Variants in POLN observed in about 807,000 individuals in gnomAD.
POLN encodes DNA polymerase nu.
A neutral mutation model predicts 113.5 loss-of-function variants in POLN; 108 were observed. The observed-to-expected ratio is 0.95, with a 90% CI of 0.81 to 1.12. The LOEUF (loss-of-function observed/expected upper bound fraction) is 1.12, where lower values mean the gene tolerates loss of function less well. Ranked by LOEUF, POLN falls within the 50% of genes most tolerant of loss-of-function variation. The probability of loss-of-function intolerance (pLI) is 0.00; values close to 1 mark genes in which losing one functional copy is unlikely to be tolerated. For synonymous variants in POLN, 386 were observed against 391.5 expected (o/e 0.99, Z 0.17); for missense variants, 1,097 against 1,077.1 (o/e 1.02, Z -0.26).
chr4:2,105,906 T>C (rs1434662975), intron 19 of POLN, among the ~76,000 whole-genome samples: 2 of 151,904 alleles, frequency 1.3e-5, no homozygotes, highest in Non-Finnish European at 1.5e-5. Context: ...CTTGGCAAGC[T>C]CTCCAACACC....
rs191013817 is a variant in POLN, at chr4:2,128,126, G to C, written c.1969C>G (p.Leu657Val). The C allele has an allele frequency of 2.1e-5, 34 of 1,594,764 alleles. No homozygotes were observed. In the Admixed American group the frequency reaches 5.0e-4, roughly 23 times the overall value. ...ESERDDVFST[L>V]TSQWKDVPVE... The stretch of plus-strand genomic sequence containing the variant: ...CATATATCTTACCACTGTGAAGTCA[G>C]AGTAGAAAATACATCATCTCTTTCA... The change falls in exon 19 of 26, where the codon CTG (leucine) becomes GTG (valine). Residue 657 changes from leucine to valine, a missense_variant. Coordinates refer to ENST00000511885, the MANE Select transcript of POLN (RefSeq NM_181808.4).
In POLN at chr4:2,126,995, G is replaced by A. The variant is rs533988065; in HGVS notation, c.1982+1118C>T. 1.4e-3 allele frequency among the ~76,000 whole-genome samples: 220 copies of A among 152,146 alleles called. 1 individual carries two copies. Among genetic ancestry groups the A allele is most frequent in the South Asian group, 6.6e-3 (32 of 4,818 alleles). ...GGGCTGAAGGACAGACCCCTCACCC[G>A]CTTAGGACTCTGCTCCTCTGACTTC... On this transcript the variant is annotated intron_variant, in intron 19 of 25. Coordinates refer to ENST00000511885, the MANE Select transcript of POLN (RefSeq NM_181808.4). This position sits in a 1 kb window ranked among gnomAD's most constrained non-coding sequence, Gnocchi z 4.6.
At chr4:2,177,211 C>A (rs895609295) in intron 8 of POLN, 5 of 432,616 alleles carry the variant, frequency 1.2e-5, no homozygotes, top group South Asian at 8.4e-5. Context: ...TTTGAATACC[C>A]CCAGGACAGG....
At chr4:2,144,825 A>C (rs1394975008) in intron 16 of POLN, among the ~76,000 whole-genome samples, 1 of 152,222 alleles carries the variant, frequency 6.6e-6, no homozygotes, top group Non-Finnish European at 1.5e-5. Context: ...AAAAAATTCA[A>C]GGAGCCTACA....
At chr4:2,201,223 T>C (rs1192373040) in intron 5 of POLN, among the ~76,000 whole-genome samples, 1 of 115,894 alleles carries the variant, frequency 8.6e-6, no homozygotes, top group Admixed American at 1.2e-4. Context: ...GCCCAGATCA[T>C]GCCACTGCAC....
At chr4:2,094,336 C>T (rs1215605002) in intron 20 of POLN, among the ~76,000 whole-genome samples, 2 of 101,748 alleles carry the variant, frequency 2.0e-5, no homozygotes, top group South Asian at 6.7e-4. Context: ...GCATTCCAGC[C>T]TGGGGGATAG....
At chr4:2,203,402 A>G (rs1352227507) in intron 5 of POLN, among the ~76,000 whole-genome samples, 1 of 151,864 alleles carries the variant, frequency 6.6e-6, no homozygotes, top group Non-Finnish European at 1.5e-5. Context: ...CAACATGGTG[A>G]AATTCCATCT....
At chr4:2,094,110 G>A (rs932384864) in intron 20 of POLN, among the ~76,000 whole-genome samples, 1 of 152,124 alleles carries the variant, frequency 6.6e-6, no homozygotes, top group African/African-American at 2.4e-5. Flanking sequence ...ACTTTGGGAG[G>A]CCAAGATGGG....
At chr4:2,238,532 G>C in intron 2 of POLN, 2 of 993,060 alleles carry the variant, frequency 2.0e-6, no homozygotes, top group Non-Finnish European at 2.8e-6. Context: ...CAAAATTTTA[G>C]CTCAAACTCT....
chr4:2,181,314 T>G (rs1560084703), intron 7 of POLN, among the ~76,000 whole-genome samples: 1 of 152,064 alleles, frequency 6.6e-6, no homozygotes, highest in Non-Finnish European at 1.5e-5. Flanking sequence ...CCAGCTAATT[T>G]TTGTTTTTTT....
chr4:2,076,088 TCATGGAGCCCCTCAGGTGCCCCTCC>T (rs34264668), intron 23 of POLN, among the ~76,000 whole-genome samples: 2,645 of 152,182 alleles, frequency 0.017, 92 homozygotes, highest in African/African-American at 0.061. Flanking sequence ...CCAGCCTCCT[TCATGGAGCCCCTCAGGTGCCCCTCC>T]CAGGGCGTCA....
intron 7 of POLN, among the ~76,000 whole-genome samples, chr4:2,183,177 G>C (rs1560085386): frequency 6.6e-6 from 1 of 152,180 alleles, no homozygotes; most frequent in South Asian, 2.1e-4. Flanking sequence ...AAGGATGTGG[G>C]GAAGTTACAG....
rs145618954 is a variant in POLN at position 2,106,266 on chromosome 4, G to A, written c.1983-10333C>T. Among the ~76,000 whole-genome samples the A allele has an allele frequency of 1.4e-3, 211 of 152,254 alleles. 2 individuals carry two copies. Among genetic ancestry groups the A allele is most frequent in the African/African-American group, 4.7e-3 (195 of 41,536 alleles). ...AAAGTGTTAAATGGGGAATTTTCAC[G>A]TGAATAGCCATCCTGGTTTCCTGGG... On this transcript the variant is annotated intron_variant, in intron 19 of 25. Transcript: ENST00000511885.
chr4:2,239,406 T>G (rs1292291292), intron 2 of POLN, among the ~76,000 whole-genome samples: 1 of 152,238 alleles, frequency 6.6e-6, no homozygotes, highest in Non-Finnish European at 1.5e-5. Context: ...AGTTGGCCAG[T>G]TGATTTTAGC....
At chr4:2,209,429 A>G (rs1733935290) in intron 4 of POLN, among the ~76,000 whole-genome samples, 2 of 146,240 alleles carry the variant, frequency 1.4e-5, no homozygotes, top group Admixed American at 1.4e-4. Flanking sequence ...CAGTGAGCTG[A>G]GATCATGCCA....
intron 10 of POLN, among the ~76,000 whole-genome samples, chr4:2,174,317 G>A (rs1393357575): frequency 6.6e-6 from 1 of 152,230 alleles, no homozygotes; most frequent in African/African-American, 2.4e-5. Context: ...CAGGACCTGC[G>A]GTCAAAGGCA....
At chr4:2,174,152 A>G (rs944310561) in intron 10 of POLN, 133 bp from the exon 11 acceptor site, 5 of 807,560 alleles carry the variant, frequency 6.2e-6, no homozygotes, top group African/African-American at 1.7e-5. Context: ...CTGCATGCCA[A>G]CCTCTGCACA....
intron 6 of POLN, 43 bp downstream of exon 6, chr4:2,198,481 G>A: frequency 1.3e-6 from 2 of 1,516,136 alleles, no homozygotes; most frequent in Non-Finnish European, 1.8e-6. Flanking sequence ...GTATAAAGCA[G>A]GCATGTAAGT....
At chr4:2,204,304 T>C (rs1294348919) in intron 5 of POLN, among the ~76,000 whole-genome samples, 3 of 152,052 alleles carry the variant, frequency 2.0e-5, no homozygotes, top group African/African-American at 7.2e-5. Flanking sequence ...TCAAGGCTAC[T>C]ATGAACAACT....
Sources: gnomAD v4.1 joint callset for allele counts (sites outside exome capture counted in the v4.1 genomes callset) on GRCh38, gnomAD v4.1.1 for gene constraint, Gnocchi (gnomAD v3.1) non-coding constraint, MANE v1.5 for transcripts, NCBI Gene and HGNC (gene_info 2026-07-23, HGNC 2026-07-21) for gene names.